The following LRMDA variants were observed in gnomAD, a reference collection of about 807,000 sequenced individuals.
LRMDA encodes leucine rich melanocyte differentiation associated.
Under a neutral mutation model 29.8 loss-of-function variants are expected in LRMDA, and 18 were observed. That is an observed-to-expected ratio of 0.60 (90% confidence interval 0.42 to 0.90). The LOEUF (loss-of-function observed/expected upper bound fraction) is 0.90, where lower values mean the gene tolerates loss of function less well. LRMDA is among the 40% of genes least tolerant of loss of function. The probability of loss-of-function intolerance (pLI) is 0.00; values close to 1 mark genes in which losing one functional copy is unlikely to be tolerated. For synonymous variants in LRMDA, 125 were observed against 109.4 expected (o/e 1.14, Z -0.89); for missense variants, 273 against 273.9 (o/e 1.00, Z 0.02).
intron 6 of LRMDA, among the ~76,000 whole-genome samples, chr10:76,479,932 C>A (rs975140313): frequency 1.3e-5 from 2 of 151,876 alleles, no homozygotes; most frequent in African/African-American, 4.8e-5. Flanking sequence ...TAAGAAATTG[C>A]CAACTCAGTA....
At chr10:75,764,313 A>G (rs1415239438) in intron 2 of LRMDA, among the ~76,000 whole-genome samples, 1 of 152,144 alleles carries the variant, frequency 6.6e-6, no homozygotes, top group Non-Finnish European at 1.5e-5. Flanking sequence ...GGAAAATGGC[A>G]TTTTCCAGCT....
intron 2 of LRMDA, among the ~76,000 whole-genome samples, chr10:75,562,287 G>A (rs1840308119): frequency 6.6e-6 from 1 of 151,944 alleles, no homozygotes; most frequent in Non-Finnish European, 1.5e-5. Flanking sequence ...ATTATGTAAT[G>A]GCCTTCTTTG....
At chr10:76,515,913 T>C (rs1843056243) in intron 6 of LRMDA, among the ~76,000 whole-genome samples, 1 of 152,092 alleles carries the variant, frequency 6.6e-6, no homozygotes, top group Admixed American at 6.6e-5. Flanking sequence ...TTAAGAAAAA[T>C]GCCAAGCTGA....
intron 5 of LRMDA, among the ~76,000 whole-genome samples, chr10:76,303,166 C>A (rs146514290): frequency 5.4e-4 from 81 of 150,518 alleles, no homozygotes; most frequent in African/African-American, 2.0e-3. Flanking sequence ...GTCTACTTGT[C>A]CAGATGTATC....
intron 5 of LRMDA, among the ~76,000 whole-genome samples, chr10:76,314,461 C>G (rs1589423598): frequency 6.6e-6 from 1 of 152,338 alleles, no homozygotes; most frequent in East Asian, 1.9e-4. Flanking sequence ...GAATCAAGCT[C>G]TCACTTGCAG....
intron 2 of LRMDA, among the ~76,000 whole-genome samples, chr10:75,630,365 G>A (rs535196931): frequency 1.4e-4 from 22 of 152,310 alleles, no homozygotes; most frequent in African/African-American, 4.3e-4. Context: ...ACCAGTCTTC[G>A]CTGGTTTTTG....
chr10:75,921,821 C>A (rs775438977), intron 2 of LRMDA, among the ~76,000 whole-genome samples: 1 of 152,092 alleles, frequency 6.6e-6, no homozygotes, highest in Non-Finnish European at 1.5e-5. Flanking sequence ...TTCATAAAAC[C>A]ATATTTACAT....
chr10:75,580,901 T>A (rs1340824468), intron 2 of LRMDA, among the ~76,000 whole-genome samples: 1 of 152,122 alleles, frequency 6.6e-6, no homozygotes, highest in Non-Finnish European at 1.5e-5. Flanking sequence ...TTCCTTACAC[T>A]TTATACAAAA....
At chr10:75,994,357 G>A (rs1348047576) in intron 2 of LRMDA, among the ~76,000 whole-genome samples, 1 of 152,172 alleles carries the variant, frequency 6.6e-6, no homozygotes, top group African/African-American at 2.4e-5. Context: ...GGTGAACAGA[G>A]GCAGCATTTT....
intron 6 of LRMDA, among the ~76,000 whole-genome samples, chr10:76,435,801 AT>A (rs1302794737): frequency 6.6e-6 from 1 of 152,200 alleles, no homozygotes; most frequent in African/African-American, 2.4e-5. Flanking sequence ...AAAAGCCATT[AT>A]CTAGAAGCAA....
chr10:75,895,826 G>A (rs1845571954), intron 2 of LRMDA, among the ~76,000 whole-genome samples: 1 of 152,162 alleles, frequency 6.6e-6, no homozygotes, highest in South Asian at 2.1e-4. Context: ...TTGCCATTCT[G>A]ATGGCCCTGC....
chr10:76,520,662 G>C (rs1006421609), intron 6 of LRMDA, among the ~76,000 whole-genome samples: 1 of 152,092 alleles, frequency 6.6e-6, no homozygotes, highest in African/African-American at 2.4e-5. Context: ...AAATTATCTA[G>C]TGTCATTTAT....
intron 2 of LRMDA, among the ~76,000 whole-genome samples, chr10:75,997,757 T>C (rs921339359): frequency 6.6e-6 from 1 of 152,210 alleles, no homozygotes; most frequent in Non-Finnish European, 1.5e-5. Flanking sequence ...AAAGCTAAGC[T>C]AGGTTACAGT....
At chr10:76,451,276 A>T (rs568934366) in intron 6 of LRMDA, among the ~76,000 whole-genome samples, 9 of 150,546 alleles carry the variant, frequency 6.0e-5, no homozygotes, top group Admixed American at 1.3e-4. Context: ...ATCTCGGCTC[A>T]CTGCAAGCTC....
intron 2 of LRMDA, among the ~76,000 whole-genome samples, chr10:75,518,574 A>T (rs902593611): frequency 6.6e-6 from 1 of 151,986 alleles, no homozygotes; most frequent in Non-Finnish European, 1.5e-5. Context: ...TATTGTGTCT[A>T]TTCGATTCTT....
chr10:75,870,319 T>A (rs79240093), intron 2 of LRMDA, among the ~76,000 whole-genome samples: 3,195 of 152,316 alleles, frequency 0.021, 115 homozygotes, highest in African/African-American at 0.072. Flanking sequence ...AGAGACCAGA[T>A]GGCTCTTTGT....
At chr10:76,157,583 C>T (rs1850560921) in intron 5 of LRMDA, among the ~76,000 whole-genome samples, 2 of 151,888 alleles carry the variant, frequency 1.3e-5, no homozygotes, top group Non-Finnish European at 2.9e-5. Context: ...CACTGCACTG[C>T]AGCCTGGGTG....
intron 6 of LRMDA, among the ~76,000 whole-genome samples, chr10:76,404,325 T>A (rs1841880333): frequency 6.6e-6 from 1 of 152,108 alleles, no homozygotes; most frequent in Admixed American, 6.5e-5. Context: ...AAAGAAACAT[T>A]TAGCAGTAAT....
At chr10:75,839,951 A>G (rs889748999) in intron 2 of LRMDA, among the ~76,000 whole-genome samples, 1 of 151,912 alleles carries the variant, frequency 6.6e-6, no homozygotes, top group Non-Finnish European at 1.5e-5. Flanking sequence ...CTCGTGATCC[A>G]CCTGCCTTGG....
Sources: gnomAD v4.1 joint callset for allele counts (sites outside exome capture counted in the v4.1 genomes callset) on GRCh38, gnomAD v4.1.1 for gene constraint, MANE v1.5 for transcripts, NCBI Gene and HGNC (gene_info 2026-07-23, HGNC 2026-07-21) for gene names.